Variants in TRIO observed in about 807,000 individuals in gnomAD.
TRIO encodes trio Rho guanine nucleotide exchange factor.
In TRIO, 58 loss-of-function variants were observed where a neutral mutation model predicts 351.9. The ratio of observed to expected loss-of-function variants is 0.16; its 90% confidence interval spans 0.13 to 0.21. TRIO has a LOEUF of 0.21. TRIO is among the 10% of genes least tolerant of loss of function. The probability of loss-of-function intolerance (pLI) is 1.00; values close to 1 mark genes in which losing one functional copy is unlikely to be tolerated. For synonymous variants in TRIO, 1,758 were observed against 1,595.7 expected (o/e 1.10, Z -2.42); for missense variants, 3,201 against 4,027.8 (o/e 0.79, Z 5.56).
intron 1 of TRIO, among the ~76,000 whole-genome samples, chr5:14,223,313 GA>G (rs1792768920): frequency 1.3e-5 from 2 of 152,158 alleles, no homozygotes. Flanking sequence ...AGTTCCCCCA[GA>G]AAAACGATGT....
chr5:14,173,964 A>C (rs1040257469), intron 1 of TRIO, among the ~76,000 whole-genome samples: 1 of 152,246 alleles, frequency 6.6e-6, no homozygotes, highest in African/African-American at 2.4e-5. Flanking sequence ...CCAAATGGCC[A>C]GCAGTGAGCA....
chr5:14,165,444 C>A (rs1304398301), intron 1 of TRIO, among the ~76,000 whole-genome samples: 2 of 152,188 alleles, frequency 1.3e-5, no homozygotes, highest in Non-Finnish European at 2.9e-5. Context: ...TGATTTCATT[C>A]TTTTTTAATC....
intron 54 of TRIO, among the ~76,000 whole-genome samples, chr5:14,504,009 G>A (rs1287075919): frequency 6.6e-6 from 1 of 152,254 alleles, no homozygotes; most frequent in Non-Finnish European, 1.5e-5. Context: ...CAAACGTGCA[G>A]GGAAAGGTGG....
rs148006676 is a variant in TRIO, at chr5:14,172,002, C to T, written c.157+28120C>T. Among the ~76,000 whole-genome samples, 498 of 152,324 alleles carry T rather than the reference C, an allele frequency of 3.3e-3. 13 individuals are homozygous for T. The highest frequency in any genetic ancestry group is 4.7e-4 in the Non-Finnish European group (32 of 68,026). On this transcript the variant is annotated intron_variant, in intron 1 of 56. Transcript: ENST00000344204. Reference sequence around the variant, plus strand: ...CTTATGTTTTGAAAAGAATTACATACACCTGCAGATAAGTTGAGTAGTGCA... The same window carrying T: ...CTTATGTTTTGAAAAGAATTACATATACCTGCAGATAAGTTGAGTAGTGCA...
chr5:14,211,579 C>T (rs1791895472), intron 1 of TRIO, among the ~76,000 whole-genome samples: 1 of 143,662 alleles, frequency 7.0e-6, no homozygotes, highest in South Asian at 2.2e-4. Flanking sequence ...CTTTCCTGAG[C>T]ACACTCAGTT....
intron 11 of TRIO, among the ~76,000 whole-genome samples, chr5:14,349,840 A>G (rs1446177340): frequency 6.6e-6 from 1 of 152,208 alleles, no homozygotes; most frequent in Non-Finnish European, 1.5e-5. Flanking sequence ...TAAGCATAGT[A>G]CCCAATAGGT....
intron 34 of TRIO, among the ~76,000 whole-genome samples, chr5:14,450,011 A>T (rs548111452): frequency 6.6e-6 from 1 of 152,268 alleles, no homozygotes; most frequent in Admixed American, 6.5e-5. Context: ...AGGAAAAATG[A>T]TGCTCAAAGT....
At chr5:14,293,729 T>A (rs1043199888) in intron 6 of TRIO, among the ~76,000 whole-genome samples, 2 of 152,206 alleles carry the variant, frequency 1.3e-5, no homozygotes. Flanking sequence ...ACTGTAGGAC[T>A]ACATCACAGA....
intron 8 of TRIO, among the ~76,000 whole-genome samples, chr5:14,312,236 T>G (rs769624211): frequency 1.8e-4 from 28 of 152,228 alleles, no homozygotes; most frequent in Non-Finnish European, 2.8e-4. Context: ...TACAAGTCTA[T>G]GTGCAGTTCT....
intron 1 of TRIO, among the ~76,000 whole-genome samples, chr5:14,167,439 A>G (rs2152123295): frequency 6.6e-6 from 1 of 152,236 alleles, no homozygotes; most frequent in South Asian, 2.1e-4. Context: ...GAAATCACAC[A>G]CGTCAATATG....
chr5:14,295,299 G>T (rs1422916319), intron 6 of TRIO, among the ~76,000 whole-genome samples: 1 of 152,216 alleles, frequency 6.6e-6, no homozygotes, highest in Non-Finnish European at 1.5e-5. Flanking sequence ...TAAAAACTAT[G>T]ATGATAAGCC....
At chr5:14,447,921 T>TC (rs1366004808) in intron 34 of TRIO, among the ~76,000 whole-genome samples, 1 of 152,198 alleles carries the variant, frequency 6.6e-6, no homozygotes, top group African/African-American at 2.4e-5. Context: ...ACTGCTTATT[T>TC]CCCCCAGAAT....
intron 3 of TRIO, among the ~76,000 whole-genome samples, chr5:14,283,127 C>T (rs781777787): frequency 6.6e-6 from 1 of 152,170 alleles, no homozygotes; most frequent in Non-Finnish European, 1.5e-5. Flanking sequence ...CAGCAAATTA[C>T]TGGTGTGTGA....
intron 10 of TRIO, among the ~76,000 whole-genome samples, chr5:14,334,812 A>G (rs1243802307): frequency 6.6e-6 from 1 of 152,152 alleles, no homozygotes; most frequent in East Asian, 1.9e-4. Flanking sequence ...GCGGCCTCTG[A>G]TGGCTAGAGA....
At chr5:14,493,960 C>T (rs78364991) in intron 49 of TRIO, among the ~76,000 whole-genome samples, 3,759 of 152,272 alleles carry the variant, frequency 0.025, 143 homozygotes, top group African/African-American at 0.086. Context: ...CTCCATCTCT[C>T]TCCAGTTCTA....
intron 13 of TRIO, among the ~76,000 whole-genome samples, chr5:14,360,118 G>C (rs939902462): frequency 6.6e-6 from 1 of 151,968 alleles, no homozygotes; most frequent in African/African-American, 2.4e-5. Flanking sequence ...CCTGACTTGT[G>C]GTCGTAGCAT....
intron 1 of TRIO, among the ~76,000 whole-genome samples, chr5:14,194,841 C>T (rs920588513): frequency 1.3e-5 from 2 of 152,172 alleles, no homozygotes; most frequent in African/African-American, 4.8e-5. Flanking sequence ...ACAAAGATTT[C>T]TATATACCTT....
At chr5:14,299,776 T>A (rs1376161963) in intron 7 of TRIO, among the ~76,000 whole-genome samples, 2 of 152,196 alleles carry the variant, frequency 1.3e-5, no homozygotes, top group Non-Finnish European at 2.9e-5. Context: ...AGAGTGTTCA[T>A]GTGGAATTTA....
chr5:14,341,327 T>C (rs1741925650), intron 11 of TRIO, among the ~76,000 whole-genome samples: 1 of 152,236 alleles, frequency 6.6e-6, no homozygotes, highest in Non-Finnish European at 1.5e-5. Flanking sequence ...GCAATGGTAA[T>C]GTGCAAGGAG....
Sources: allele counts gnomAD v4.1 joint callset (sites outside exome capture counted in the v4.1 genomes callset), GRCh38; gene constraint gnomAD v4.1.1; transcripts MANE v1.5; gene names NCBI Gene and HGNC (gene_info 2026-07-23, HGNC 2026-07-21).